Variants in CEACAM18 observed in about 807,000 individuals in gnomAD.
CEACAM18 encodes the protein cell adhesion molecule CEACAM18.
CEACAM18 carries 33 observed loss-of-function variants against 34.3 expected under a neutral mutation model. The ratio of observed to expected loss-of-function variants is 0.96; its 90% CI spans 0.73 to 1.29. The LOEUF is 1.29. Ranked by LOEUF, CEACAM18 falls within the 50% of genes most tolerant of loss-of-function variation. The probability of loss-of-function intolerance (pLI) is 0.00; values close to 1 mark genes in which losing one functional copy is unlikely to be tolerated. For missense variants in CEACAM18, 474 were observed against 485.0 expected (o/e 0.98, Z 0.21); for synonymous variants, 169 against 180.9 (o/e 0.93, Z 0.53).
intron 1 of CEACAM18, among the ~76,000 whole-genome samples, chr19:51,478,923 TGTG>T (rs1429961678): frequency 1.3e-5 from 2 of 149,532 alleles, no homozygotes; most frequent in Non-Finnish European, 3.0e-5. Context: ...GACCCACACA[TGTG>T]GTGTTACACA....
chr19:51,488,768 G>A (rs998659203), intron 5 of CEACAM18, among the ~76,000 whole-genome samples: 6 of 152,118 alleles, frequency 3.9e-5, no homozygotes, highest in African/African-American at 1.4e-4. Context: ...ATGTGGACAG[G>A]GCTCCAGAAT....
At chr19:51,486,302 G>A (rs779223538) in intron 5 of CEACAM18, among the ~76,000 whole-genome samples, 8 of 152,154 alleles carry the variant, frequency 5.3e-5, no homozygotes, top group Non-Finnish European at 1.2e-4. Context: ...GGTAGCAAAT[G>A]CAGTGCTGAT....
rs549971179 is a variant in CEACAM18, at chr19:51,481,706, C to G, written c.673+41C>G. On this transcript the variant is annotated intron_variant, in intron 3 of 5. Transcript: ENST00000396477. ...TCCTGGGACTGAAGCCAGGGCTGGT[C>G]TCAGGGCTTTCTAGGGATAGGAATA... 116 of 1,580,174 alleles carry G rather than the reference C, an allele frequency of 7.3e-5. No individual in the cohort carries two copies. The South Asian group carries it at 1.3e-3, about 18-fold the overall frequency.
intron 5 of CEACAM18, among the ~76,000 whole-genome samples, chr19:51,488,050 A>G (rs1990034000): frequency 6.6e-6 from 1 of 152,152 alleles, no homozygotes; most frequent in African/African-American, 2.4e-5. Context: ...AAACCAAACA[A>G]AACCAGAAAA....
exon 3 of CEACAM18, chr19:51,481,534 T>G: frequency 6.2e-7 from 1 of 1,614,010 alleles, no homozygotes; most frequent in Non-Finnish European, 8.5e-7. Context: ...AGTGACCGGA[T>G]GACAATTTCC....
chr19:51,481,083 C>T (rs764333816), intron 2 of CEACAM18, among the ~76,000 whole-genome samples: 12 of 152,148 alleles, frequency 7.9e-5, no homozygotes, highest in Non-Finnish European at 1.5e-4. Flanking sequence ...CACTCAGAAC[C>T]TCTCGTGTCT....
chr19:51,480,741 G>A, intron 2 of CEACAM18, 61 bp downstream of exon 2: 1 of 1,450,322 alleles, frequency 6.9e-7, no homozygotes, highest in Non-Finnish European at 9.5e-7. Flanking sequence ...ACACATTTGA[G>A]AGAAGGACAT....
At chr19:51,482,735 C>T (rs1285136943) in intron 3 of CEACAM18, among the ~76,000 whole-genome samples, 10 of 152,242 alleles carry the variant, frequency 6.6e-5, no homozygotes, top group Admixed American at 6.5e-4. Context: ...AGGCACAGAG[C>T]TTAGAACAGT....
chr19:51,479,251 G>A (rs528656765), intron 1 of CEACAM18, among the ~76,000 whole-genome samples: 18 of 152,334 alleles, frequency 1.2e-4, no homozygotes, highest in Middle Eastern at 3.4e-3. Context: ...CGGGGTCTCA[G>A]GCATCTCTGC....
intron 5 of CEACAM18, 24 bp downstream of exon 5, chr19:51,485,146 G>T: frequency 6.8e-7 from 1 of 1,478,828 alleles, no homozygotes; most frequent in Non-Finnish European, 9.0e-7. Flanking sequence ...TCTGGGACAA[G>T]GGTGGGATGT....
chr19:51,483,551 T>G (rs1433530106), intron 4 of CEACAM18, among the ~76,000 whole-genome samples: 1 of 151,530 alleles, frequency 6.6e-6, no homozygotes, highest in Non-Finnish European at 1.5e-5. Flanking sequence ...ACTTACTATG[T>G]GCCCGCCTTT....
chr19:51,485,201 G>A, intron 5 of CEACAM18, 79 bp downstream of exon 5: 1 of 1,363,150 alleles, frequency 7.3e-7, no homozygotes, highest in Non-Finnish European at 9.7e-7. Flanking sequence ...CTCCAGAGGG[G>A]AAGCAGAGCC....
chr19:51,483,601 G>A (rs1259790787), intron 4 of CEACAM18, among the ~76,000 whole-genome samples: 1 of 151,896 alleles, frequency 6.6e-6, no homozygotes, highest in Non-Finnish European at 1.5e-5. Context: ...TCTGGAGTAA[G>A]TGAATGCGAT....
intron 4 of CEACAM18, among the ~76,000 whole-genome samples, chr19:51,484,266 A>G (rs62115074): frequency 0.23 from 35,386 of 150,864 alleles, 4,237 homozygotes; most frequent in Middle Eastern, 0.38. Flanking sequence ...ATCGATTCAC[A>G]TTTTTCTCTT....
intron 5 of CEACAM18, 79 bp downstream of exon 5, chr19:51,485,201 GA>G (rs1989979475): frequency 7.3e-7 from 1 of 1,363,032 alleles, no homozygotes; most frequent in South Asian, 1.5e-5. Flanking sequence ...CTCCAGAGGG[GA>G]AGCAGAGCCA....
At chr19:51,484,568 TTG>T (rs1568524653) in intron 4 of CEACAM18, among the ~76,000 whole-genome samples, 2 of 152,016 alleles carry the variant, frequency 1.3e-5, no homozygotes, top group Non-Finnish European at 2.9e-5. Flanking sequence ...GTGATCCACC[TTG>T]GGCGAGCTTT....
intron 1 of CEACAM18, 54 bp from the exon 2 acceptor site, chr19:51,480,279 C>A: frequency 7.3e-7 from 1 of 1,371,640 alleles, no homozygotes; most frequent in Non-Finnish European, 1.0e-6. Flanking sequence ...TCTTCTCAGC[C>A]AGTCTGAATC....
chr19:51,479,941 C>T (rs1296785476), intron 1 of CEACAM18, among the ~76,000 whole-genome samples: 1 of 152,198 alleles, frequency 6.6e-6, no homozygotes, highest in African/African-American at 2.4e-5. Flanking sequence ...CAAACACCAG[C>T]TCTGGCTGAG....
intron 1 of CEACAM18, among the ~76,000 whole-genome samples, chr19:51,478,968 G>A (rs117215783): frequency 0.013 from 1,882 of 150,028 alleles, 33 homozygotes; most frequent in African/African-American, 0.035. Flanking sequence ...ACACACACAC[G>A]CGCGCACACA....
Sources: allele counts gnomAD v4.1 joint callset (sites outside exome capture counted in the v4.1 genomes callset), GRCh38; gene constraint gnomAD v4.1.1; transcripts MANE v1.5; gene names NCBI Gene and HGNC (gene_info 2026-07-23, HGNC 2026-07-21).